Variants in SUSD4 observed in about 807,000 individuals in gnomAD.
The protein encoded by SUSD4 is sushi domain containing 4.
Under a neutral mutation model 50.5 loss-of-function variants are expected in SUSD4, and 41 were observed. That is an observed-to-expected ratio of 0.81 (90% CI 0.63 to 1.05). SUSD4 has a LOEUF of 1.05. Ranked by LOEUF, SUSD4 falls within the 50% of genes least tolerant of loss-of-function variation. The pLI, the probability that SUSD4 is intolerant of heterozygous loss-of-function variation, is 0.00. For synonymous variants in SUSD4, 257 were observed against 257.3 expected, an observed-to-expected ratio of 1.00 and a Z score of 0.01; for missense variants, 580 against 634.7, an observed-to-expected ratio of 0.91 and a Z score of 0.93.
At chr1:223,344,669 ACT>A (rs1305497128) in intron 2 of SUSD4, among the ~76,000 whole-genome samples, 2 of 151,046 alleles carry the variant, frequency 1.3e-5, no homozygotes, top group South Asian at 2.1e-4. Flanking sequence ...CTCCAGAAAA[ACT>A]CTCCACCACT....
In SUSD4 at chr1:223,223,649, G is replaced by A; in HGVS notation, c.1062-18C>T. 1.9e-6 allele frequency: 3 copies of A among 1,576,002 alleles called. No individual in the cohort carries two copies. Among genetic ancestry groups the A allele is most frequent in the East Asian group, 2.3e-5 (1 of 44,222 alleles). On this transcript the variant is annotated intron_variant, in intron 7 of 8. Transcript: ENST00000366878. ...GAGGCCCCCTGTGTAAAGGAAAGAA[G>A]TGCCAACATGTGAGAGCCATGCCAC... is the stretch of plus-strand genomic sequence containing the variant.
intron 3 of SUSD4, among the ~76,000 whole-genome samples, chr1:223,272,178 G>A (rs935275631): frequency 6.6e-6 from 1 of 152,362 alleles, no homozygotes; most frequent in Middle Eastern, 3.4e-3. Flanking sequence ...AGTGAGCCAA[G>A]ATCACACCAC....
rs1659625884 is a variant in SUSD4 at position 223,227,885 on chromosome 1, G to A, written c.917-147C>T. On this transcript the variant is annotated intron_variant, in intron 6 of 8. Coordinates refer to ENST00000366878, the MANE Select transcript of SUSD4 (RefSeq NM_017982.4). This position sits in a 1 kb window ranked among gnomAD's most constrained non-coding sequence, Gnocchi z 4.5. ...CCCCAGGGCTCGGCAGAGATACCATGTGCCCCTGTAGCTCATGTAAATTGC... is the reference window on the plus strand; with the variant it reads ...CCCCAGGGCTCGGCAGAGATACCATATGCCCCTGTAGCTCATGTAAATTGC... The A allele has an allele frequency of 9.7e-7, 1 of 1,026,888 alleles. No individual in the cohort carries two copies. Among genetic ancestry groups the A allele is most frequent in the Non-Finnish European group, 1.4e-6 (1 of 717,696 alleles). 63.6% of individuals were successfully genotyped at this position (1,026,888 alleles called of 1,614,324 possible).
rs145187942 is a variant in SUSD4, at chr1:223,261,616, A to G, written c.724+3014T>C. Among the ~76,000 whole-genome samples, 11 of 152,360 alleles carry G rather than the reference A, an allele frequency of 7.2e-5. No homozygotes were observed. The East Asian group carries it at 1.9e-3, about 27-fold the overall frequency. ...TTAATGGTGGCTGTTCTTATTGTTC[A>G]GTATGTCCTCTTGGTATCTGAGTCA... On this transcript the variant is annotated intron_variant, in intron 5 of 8. Transcript: ENST00000366878.
At chr1:223,351,593 G>C (rs1199310005) in intron 2 of SUSD4, among the ~76,000 whole-genome samples, 2 of 152,172 alleles carry the variant, frequency 1.3e-5, no homozygotes, top group Non-Finnish European at 2.9e-5. Flanking sequence ...AGCTGACAGA[G>C]GGGCGCCCAG....
At chr1:223,257,607 CTA>C (rs1186516075) in intron 5 of SUSD4, among the ~76,000 whole-genome samples, 1 of 152,230 alleles carries the variant, frequency 6.6e-6, no homozygotes, top group Admixed American at 6.5e-5. Context: ...GCTCTGTATT[CTA>C]TGACCAGTAA....
At chr1:223,306,566 A>G (rs1326406104) in intron 2 of SUSD4, among the ~76,000 whole-genome samples, 4 of 152,172 alleles carry the variant, frequency 2.6e-5, no homozygotes, top group African/African-American at 4.8e-5. Flanking sequence ...ATCTCAGCTC[A>G]CTGCAGCCTC....
chr1:223,273,519 G>T (rs1266462632), intron 3 of SUSD4, among the ~76,000 whole-genome samples: 1 of 152,250 alleles, frequency 6.6e-6, no homozygotes, highest in Non-Finnish European at 1.5e-5. Flanking sequence ...TATGCCAACA[G>T]TATGATGTAT....
At chr1:223,271,955 G>C (rs1157078107) in intron 3 of SUSD4, among the ~76,000 whole-genome samples, 1 of 152,204 alleles carries the variant, frequency 6.6e-6, no homozygotes, top group Non-Finnish European at 1.5e-5. Context: ...TTTGAAGGCA[G>C]GTGGCTCACC....
intron 4 of SUSD4, among the ~76,000 whole-genome samples, chr1:223,266,638 A>T (rs1203887879): frequency 6.6e-6 from 1 of 152,254 alleles, no homozygotes; most frequent in Non-Finnish European, 1.5e-5. Flanking sequence ...TAAATGTAAC[A>T]GTCGAAAATG....
chr1:223,238,705 T>A (rs1223880233), intron 5 of SUSD4, among the ~76,000 whole-genome samples: 1 of 152,042 alleles, frequency 6.6e-6, no homozygotes, highest in East Asian at 1.9e-4. Context: ...AGACACTGTA[T>A]TATTTCCATT....
At chr1:223,330,511 A>T (rs79273073) in intron 2 of SUSD4, among the ~76,000 whole-genome samples, 2,342 of 152,336 alleles carry the variant, frequency 0.015, 31 homozygotes, top group Non-Finnish European at 0.024. Context: ...ACAACAAACG[A>T]GAAAATAAAG....
chr1:223,290,801 T>C (rs553145792), intron 3 of SUSD4, among the ~76,000 whole-genome samples: 1 of 152,076 alleles, frequency 6.6e-6, no homozygotes, highest in Admixed American at 6.5e-5. Flanking sequence ...ATGTATAGGG[T>C]TGGAAAGAAG....
intron 5 of SUSD4, among the ~76,000 whole-genome samples, chr1:223,247,722 G>C (rs1245548030): frequency 3.9e-5 from 6 of 152,172 alleles, no homozygotes; most frequent in Admixed American, 3.3e-4. Flanking sequence ...TGGCTGCACA[G>C]AATCACCTGG....
chr1:223,264,589 A>G (rs1312217479), intron 5 of SUSD4, 41 bp downstream of exon 5: 2 of 1,607,606 alleles, frequency 1.2e-6, no homozygotes, highest in East Asian at 2.2e-5. Context: ...CCTCCCTTTA[A>G]TAATACAAAA....
intron 3 of SUSD4, among the ~76,000 whole-genome samples, chr1:223,273,869 G>T (rs1430810430): frequency 6.6e-6 from 1 of 152,166 alleles, no homozygotes; most frequent in African/African-American, 2.4e-5. Flanking sequence ...CCTGCCCTAC[G>T]CACCTCTTCC....
At chr1:223,302,855 C>T (rs983112587) in intron 2 of SUSD4, among the ~76,000 whole-genome samples, 4 of 152,164 alleles carry the variant, frequency 2.6e-5, no homozygotes, top group Non-Finnish European at 5.9e-5. Context: ...TACAGACACA[C>T]TGTGAAAATT....
rs915338263 is a variant in SUSD4, at chr1:223,332,683, C to G, written c.148+30595G>C. 6.6e-6 allele frequency among the ~76,000 whole-genome samples: 1 copy of G among 152,144 alleles called. No individual in the cohort carries two copies. The highest frequency in any genetic ancestry group is 2.4e-5 in the African/African-American group (1 of 41,416). On this transcript the variant is annotated intron_variant, in intron 2 of 8. Transcript: ENST00000366878. This position sits in a 1 kb window ranked among gnomAD's most constrained non-coding sequence, Gnocchi z 4.0. Reference sequence around the variant, plus strand: ...GTGACTGCGGGTAGCCGTGGGGAGACAGGCATCTCCTCGGACAAGCCTCTC... The same window carrying G: ...GTGACTGCGGGTAGCCGTGGGGAGAGAGGCATCTCCTCGGACAAGCCTCTC...
At position 223,264,838 on chromosome 1, in the gene SUSD4, A is replaced by C. The variant is rs1467642586; in HGVS notation, c.536-20T>G. The stretch of plus-strand genomic sequence containing the variant: ...GGCAGCCTGTGGAAGGTGAAAGAAA[A>C]AGGGAAAGATTCCACTCTGTCATCT... On this transcript the variant is annotated intron_variant, in intron 4 of 8. Transcript: ENST00000366878. 1.9e-6 allele frequency: 3 copies of C among 1,608,324 alleles called. No individual in the cohort carries two copies. Among genetic ancestry groups the C allele is most frequent in the Admixed American group, 1.7e-5 (1 of 59,400 alleles).
Sources: gnomAD v4.1 joint callset for allele counts (sites outside exome capture counted in the v4.1 genomes callset) on GRCh38, gnomAD v4.1.1 for gene constraint, Gnocchi (gnomAD v3.1) non-coding constraint, MANE v1.5 for transcripts, NCBI Gene and HGNC (gene_info 2026-07-23, HGNC 2026-07-21) for gene names.